Variants in HS3ST3B1 observed in about 807,000 individuals in gnomAD.
HS3ST3B1 encodes the protein heparan sulfate glucosamine 3-O-sulfotransferase 3B1.
HS3ST3B1 carries 13 observed loss-of-function variants against 21.3 expected under a neutral mutation model. The observed-to-expected ratio is 0.61, with a 90% CI of 0.40 to 0.97. The LOEUF (loss-of-function observed/expected upper bound fraction) is 0.97, where lower values mean the gene tolerates loss of function less well. HS3ST3B1 is among the 50% of genes least tolerant of loss of function. HS3ST3B1 has a pLI of 0.00. For missense variants in HS3ST3B1, 459 were observed against 554.8 expected, an observed-to-expected ratio of 0.83 and a Z score of 1.73; for synonymous variants, 234 against 254.8, an observed-to-expected ratio of 0.92 and a Z score of 0.78.
rs189008053 is a variant in HS3ST3B1 at position 14,303,145 on chromosome 17, T to G, written c.554+1073T>G. 1.4e-4 allele frequency among the ~76,000 whole-genome samples: 22 copies of G among 152,228 alleles called. No homozygotes were observed. Among genetic ancestry groups the G allele is most frequent in the African/African-American group, 5.1e-4 (21 of 41,538 alleles). On this transcript the variant is annotated intron_variant, in intron 1 of 1. Coordinates refer to ENST00000360954, the MANE Select transcript of HS3ST3B1 (RefSeq NM_006041.3). This position sits in a 1 kb window ranked among gnomAD's most constrained non-coding sequence, Gnocchi z 5.7. ...TAGATTTCGGCCTCCGATAACTGTC[T>G]TCGACTAGGGGCCCAGGTAACGACC...
intron 1 of HS3ST3B1, among the ~76,000 whole-genome samples, chr17:14,317,742 C>A (rs1176620600): frequency 6.6e-6 from 1 of 152,034 alleles, no homozygotes; most frequent in Non-Finnish European, 1.5e-5. Flanking sequence ...GGTGGAGAGG[C>A]TGGAATGGCA....
chr17:14,319,547 G>A (rs1448210486), intron 1 of HS3ST3B1, among the ~76,000 whole-genome samples: 5 of 152,142 alleles, frequency 3.3e-5, no homozygotes, highest in South Asian at 2.1e-4. Context: ...CATCTACTCT[G>A]TATCAGGCTC....
chr17:14,314,405 G>A (rs1276819462), intron 1 of HS3ST3B1, among the ~76,000 whole-genome samples: 1 of 152,206 alleles, frequency 6.6e-6, no homozygotes, highest in Non-Finnish European at 1.5e-5. Context: ...CCAAGATCAA[G>A]AAGTGGCAGT....
chr17:14,301,875 G>T lies in HS3ST3B1; in HGVS notation c.357G>T (p.Pro119=). ...CGGAGGAGCAGAGTCCCGAGGTGCC[G>T]GACTCCCCAAGCCCCATCTCCAGCT... The part of the protein sequence containing the change: ...ASPEEQSPEV[P]DSPSPISSFF... Residue 119 remains proline (P), a synonymous_variant, in exon 1 of 2, where the codon CCG becomes CCT. Transcript: ENST00000360954. The T allele has an allele frequency of 6.2e-7, 1 of 1,604,542 alleles. No homozygotes were observed. Among genetic ancestry groups the T allele is most frequent in the Non-Finnish European group, 8.5e-7 (1 of 1,176,648 alleles).
At chr17:14,326,044 TGTGTGC>T (rs1909806993) in intron 1 of HS3ST3B1, among the ~76,000 whole-genome samples, 1 of 152,084 alleles carries the variant, frequency 6.6e-6, no homozygotes, top group African/African-American at 2.4e-5. Flanking sequence ...TGCACGCACG[TGTGTGC>T]GTGTGTGTGT....
rs1210791286 is a variant in HS3ST3B1, at chr17:14,303,643, G to GT, written c.554+1571_554+1572insT. ...ATAATGCAGGTTCTGGGCAGGGATG[G>GT]GAAGAGTGAATGCGCTGGTACGGTA... On this transcript the variant is annotated intron_variant, in intron 1 of 1. Coordinates refer to ENST00000360954, the MANE Select transcript of HS3ST3B1 (RefSeq NM_006041.3). This position sits in a 1 kb window ranked among gnomAD's most constrained non-coding sequence, Gnocchi z 5.7. 1.3e-5 allele frequency among the ~76,000 whole-genome samples: 2 copies of GT among 152,186 alleles called. No individual in the cohort carries two copies. The highest frequency in any genetic ancestry group is 4.8e-5 in the African/African-American group (2 of 41,440).
chr17:14,318,712 G>A (rs1391349977), intron 1 of HS3ST3B1, among the ~76,000 whole-genome samples: 1 of 152,138 alleles, frequency 6.6e-6, no homozygotes, highest in African/African-American at 2.4e-5. Context: ...ACTGTGGCTG[G>A]GTGGCTCCCT....
At chr17:14,314,646 T>G (rs923547020) in intron 1 of HS3ST3B1, among the ~76,000 whole-genome samples, 2 of 152,198 alleles carry the variant, frequency 1.3e-5, no homozygotes, top group African/African-American at 2.4e-5. Context: ...GCTGCTTTTA[T>G]AAAGGATCAG....
At chr17:14,328,399 A>C (rs1233807406) in intron 1 of HS3ST3B1, 1 of 152,212 alleles carries the variant, frequency 6.6e-6, no homozygotes, top group Non-Finnish European at 1.5e-5. Context: ...TCTCCTGCTG[A>C]AAGTTGATTC....
intron 1 of HS3ST3B1, among the ~76,000 whole-genome samples, chr17:14,334,136 A>C (rs911614098): frequency 7.2e-5 from 11 of 152,190 alleles, no homozygotes; most frequent in African/African-American, 2.7e-4. Flanking sequence ...AACTCAGGAG[A>C]ATTATTGCTA....
At chr17:14,319,057 T>C (rs1455765900) in intron 1 of HS3ST3B1, among the ~76,000 whole-genome samples, 1 of 152,114 alleles carries the variant, frequency 6.6e-6, no homozygotes, top group Non-Finnish European at 1.5e-5. Context: ...AGCCTCCAGA[T>C]GTGGCAGATG....
At chr17:14,344,269 G>C (rs1028199400) in intron 1 of HS3ST3B1, among the ~76,000 whole-genome samples, 2 of 152,186 alleles carry the variant, frequency 1.3e-5, no homozygotes, top group African/African-American at 2.4e-5. Context: ...TTCAGGGGAT[G>C]CATGTGCAGG....
At chr17:14,321,745 A>G (rs1567639360) in intron 1 of HS3ST3B1, among the ~76,000 whole-genome samples, 3 of 152,140 alleles carry the variant, frequency 2.0e-5, no homozygotes, top group Admixed American at 1.3e-4. Context: ...CAGAATAAGA[A>G]TTGGGAACGA....
chr17:14,309,832 G>C (rs944750289), intron 1 of HS3ST3B1, among the ~76,000 whole-genome samples: 1 of 152,202 alleles, frequency 6.6e-6, no homozygotes, highest in African/African-American at 2.4e-5. Context: ...GGCAGGACCC[G>C]AGTGGGCCCG....
At chr17:14,331,026 T>C (rs1909994014) in intron 1 of HS3ST3B1, among the ~76,000 whole-genome samples, 1 of 152,208 alleles carries the variant, frequency 6.6e-6, no homozygotes. Flanking sequence ...GGTACTCAGC[T>C]CTGTCCCGCC....
chr17:14,326,921 CAA>C (rs60800866), intron 1 of HS3ST3B1, among the ~76,000 whole-genome samples: 8,466 of 60,084 alleles, frequency 0.14, 355 homozygotes, highest in African/African-American at 0.29. Context: ...AACTCTGTCT[CAA>C]AAAAAAAAAA....
intron 1 of HS3ST3B1, among the ~76,000 whole-genome samples, chr17:14,306,454 A>G (rs1179561554): frequency 6.6e-6 from 1 of 152,242 alleles, no homozygotes; most frequent in Non-Finnish European, 1.5e-5. Context: ...TCATAAAAAG[A>G]GTGCCCCCAA....
Position 14,315,278 on chromosome 17 carries a change from C to T in HS3ST3B1, c.554+13206C>T, listed in dbSNP as rs558865030. Among the ~76,000 whole-genome samples the T allele has an allele frequency of 2.6e-5, 4 of 152,308 alleles. No individual in the cohort carries two copies. In the South Asian group the frequency reaches 8.3e-4, roughly 32 times the overall value. On this transcript the variant is annotated intron_variant, in intron 1 of 1. Transcript: ENST00000360954. ...CACGTTTTCCCCCAATGCACTGTGG[C>T]TCAATATGTTGTCCTATTGCATGTG...
chr17:14,319,009 G>C (rs1356395717), intron 1 of HS3ST3B1, among the ~76,000 whole-genome samples: 1 of 152,172 alleles, frequency 6.6e-6, no homozygotes, highest in African/African-American at 2.4e-5. Context: ...AAGTGCAAAA[G>C]CACATCAGTG....
Sources: gnomAD v4.1 joint callset for allele counts (sites outside exome capture counted in the v4.1 genomes callset) on GRCh38, gnomAD v4.1.1 for gene constraint, Gnocchi (gnomAD v3.1) non-coding constraint, MANE v1.5 for transcripts, NCBI Gene and HGNC (gene_info 2026-07-23, HGNC 2026-07-21) for gene names.